Variants in MTRF1 observed in about 807,000 individuals in gnomAD.
MTRF1 encodes the protein mitochondrial translation release factor 1, also known as peptide chain release factor 1, mitochondrial.
Under a neutral mutation model 62.9 loss-of-function variants are expected in MTRF1, and 51 were observed. The observed-to-expected ratio is 0.81, with a 90% CI of 0.65 to 1.02. The LOEUF (loss-of-function observed/expected upper bound fraction) is 1.02. Among genes scored for constraint, MTRF1 ranks in the 50% least tolerant of loss-of-function variants. The pLI is 0.00. For missense variants in MTRF1, 446 were observed against 530.0 expected (o/e 0.84, Z 1.56); for synonymous variants, 158 against 181.9 (o/e 0.87, Z 1.06).
At chr13:41,265,010 A>G (rs185280018), upstream of MTRF1, among the ~76,000 whole-genome samples, 1 of 152,364 alleles carries the variant, frequency 6.6e-6, no homozygotes, top group Admixed American at 6.5e-5. Context: ...GAAAAGTTTC[A>G]AAGGGTCTAC....
intron 6 of MTRF1, among the ~76,000 whole-genome samples, chr13:41,238,044 T>C (rs906159219): frequency 6.6e-6 from 1 of 152,186 alleles, no homozygotes; most frequent in Admixed American, 6.6e-5. Context: ...TTTGAATTGG[T>C]AGTAATAATA....
chr13:41,303,259 A>G, the MTRF1 span, among the ~76,000 whole-genome samples: 1 of 152,144 alleles, frequency 6.6e-6, no homozygotes, highest in Non-Finnish European at 1.5e-5. Context: ...AAATGCTTAT[A>G]AGACATCCAG....
At chr13:41,266,996 C>CAA (rs59609555), upstream of MTRF1, among the ~76,000 whole-genome samples, 320 of 81,026 alleles carry the variant, frequency 3.9e-3, 3 homozygotes, top group African/African-American at 0.012. Flanking sequence ...GACTCTGTCT[C>CAA]AAAAAAAAAA....
At chr13:41,238,441 T>C (rs1405134320) in intron 6 of MTRF1, among the ~76,000 whole-genome samples, 1 of 152,180 alleles carries the variant, frequency 6.6e-6, no homozygotes. Context: ...CATGAGTTTA[T>C]AATGAAATCA....
chr13:41,302,482 C>T, the MTRF1 span, among the ~76,000 whole-genome samples: 1 of 151,872 alleles, frequency 6.6e-6, no homozygotes, highest in African/African-American at 2.4e-5. Flanking sequence ...CATTTCTGTG[C>T]CCCAATACAG....
rs1166204914 is a variant in MTRF1 at position 41,249,619 on chromosome 13, CTTTTTTTTT to C, written c.697+3017_697+3025del. Among the ~76,000 whole-genome samples the C allele has an allele frequency of 1.1e-4, 7 of 61,538 alleles. No individual in the cohort carries two copies. In the East Asian group the frequency reaches 1.9e-3, roughly 17 times the overall value. The allele number at this position is 61,538 out of a possible 152,430, so 40.4% of individuals were successfully genotyped here. A position where few individuals can be genotyped will look rare whatever the true frequency, so the allele number is the denominator to read the frequency against. ...TATTCTTAGTCTTTGATTTTTTTTT[CTTTTTTTTT>C]TTTTTTTTTTTTTTTTGGAGATGGG... On this transcript the variant is annotated intron_variant, in intron 5 of 9. Coordinates refer to ENST00000379480, the MANE Select transcript of MTRF1 (RefSeq NM_004294.4).
At chr13:41,284,558 AGG>A in the MTRF1 span, among the ~76,000 whole-genome samples, 1 of 151,382 alleles carries the variant, frequency 6.6e-6, no homozygotes, top group Non-Finnish European at 1.5e-5. Context: ...AAAAAAAAAA[AGG>A]AAAAAAAATT....
intron 8 of MTRF1, among the ~76,000 whole-genome samples, chr13:41,225,797 G>A (rs1417693054): frequency 8.0e-6 from 1 of 124,496 alleles, no homozygotes; most frequent in Non-Finnish European, 1.6e-5. Context: ...GACAGAGCGA[G>A]ACTCTGTCAT....
intron 2 of MTRF1, among the ~76,000 whole-genome samples, chr13:41,259,712 A>AAAAAAAAAACAAAAAAAAAAAAAC (rs2040203824): frequency 5.0e-4 from 68 of 136,728 alleles, no homozygotes; most frequent in Non-Finnish European, 9.2e-4. Context: ...AAAAAAAAAA[A>AAAAAAAAAACAAAAAAAAAAAAAC]AAAAAAAAAC....
chr13:41,269,184 TGTTTTTTTTTTTTG>T, the MTRF1 span, among the ~76,000 whole-genome samples: 1 of 105,536 alleles, frequency 9.5e-6, no homozygotes, highest in Non-Finnish European at 2.0e-5. Flanking sequence ...CCTTTTACCT[TGTTTTTTTTTTTTG>T]GTTTTTTTTT....
chr13:41,307,915 A>G, the MTRF1 span, among the ~76,000 whole-genome samples: 22 of 152,372 alleles, frequency 1.4e-4, no homozygotes, highest in Non-Finnish European at 2.5e-4. Flanking sequence ...ATTTATAACT[A>G]TATATAACTA....
the MTRF1 span, among the ~76,000 whole-genome samples, chr13:41,307,173 T>A: frequency 6.6e-6 from 1 of 151,900 alleles, no homozygotes; most frequent in African/African-American, 2.4e-5. Flanking sequence ...CAAGGTGATA[T>A]GGTTTGGATT....
the MTRF1 span, among the ~76,000 whole-genome samples, chr13:41,307,000 G>A: frequency 6.6e-6 from 1 of 152,178 alleles, no homozygotes; most frequent in Non-Finnish European, 1.5e-5. Flanking sequence ...TAAACAGGAA[G>A]TCAGTAATAA....
intron 5 of MTRF1, among the ~76,000 whole-genome samples, chr13:41,241,875 A>G (rs750194478): frequency 1.1e-4 from 16 of 152,252 alleles, no homozygotes; most frequent in Non-Finnish European, 1.8e-4. Context: ...GCAAGACGAC[A>G]GGAGGTATAC....
chr13:41,252,881 G>T, intron 4 of MTRF1, 68 bp downstream of exon 4: 1 of 1,368,138 alleles, frequency 7.3e-7, no homozygotes, highest in South Asian at 1.2e-5. Flanking sequence ...TTTAAAGTTA[G>T]TGTTATCAAA....
intron 5 of MTRF1, among the ~76,000 whole-genome samples, chr13:41,245,566 T>C (rs918389775): frequency 6.6e-6 from 1 of 152,210 alleles, no homozygotes; most frequent in Non-Finnish European, 1.5e-5. Context: ...TATTTTGAAA[T>C]AGCAGATGAT....
At chr13:41,238,069 C>A (rs2036951119) in intron 6 of MTRF1, among the ~76,000 whole-genome samples, 1 of 152,088 alleles carries the variant, frequency 6.6e-6, no homozygotes. Context: ...ACTTTGATTT[C>A]AAAACATGTA....
At chr13:41,248,506 C>T in intron 5 of MTRF1, among the ~76,000 whole-genome samples, 1 of 152,206 alleles carries the variant, frequency 6.6e-6, no homozygotes, top group East Asian at 1.9e-4. Context: ...CAGTTGGCCC[C>T]TGCCACCCTG....
At chr13:41,305,059 AT>A in the MTRF1 span, among the ~76,000 whole-genome samples, 2 of 152,242 alleles carry the variant, frequency 1.3e-5, no homozygotes, top group East Asian at 1.9e-4. Context: ...TTCCTAAAAA[AT>A]ATCCAGCTAT....
Sources: allele counts gnomAD v4.1 joint callset (sites outside exome capture counted in the v4.1 genomes callset), GRCh38; gene constraint gnomAD v4.1.1; transcripts MANE v1.5; gene names NCBI Gene and HGNC (gene_info 2026-07-23, HGNC 2026-07-21).